Variants in WDR59 observed in about 807,000 individuals in gnomAD.
WDR59 encodes GATOR2 complex protein WDR59.
A neutral mutation model predicts 131.2 loss-of-function variants in WDR59; 100 were observed. The ratio of observed to expected loss-of-function variants is 0.76; its 90% CI spans 0.65 to 0.90. The LOEUF is 0.90. Among genes scored for constraint, WDR59 ranks in the 40% least tolerant of loss-of-function variants. The pLI is 0.00. For missense variants in WDR59, 1,203 were observed against 1,262.2 expected, an observed-to-expected ratio of 0.95 and a Z score of 0.71; for synonymous variants, 601 against 466.2, an observed-to-expected ratio of 1.29 and a Z score of -3.72.
At position 74,985,097 on chromosome 16, in the gene WDR59, A is replaced by C; in HGVS notation, c.-80T>G. ...CCAGTATCCCGGGACCGTGCGCCCC[A>C]CACAGCCAGAGAATCAGCCCCGACA... On this transcript the variant is annotated 5_prime_UTR_variant, in exon 1 of 26. Coordinates refer to ENST00000262144, the MANE Select transcript of WDR59 (RefSeq NM_030581.4). 1 of 1,385,936 alleles carries C rather than the reference A, an allele frequency of 7.2e-7. No homozygotes were observed. The highest frequency in any genetic ancestry group is 1.0e-6 in the Non-Finnish European group (1 of 1,001,542). 85.9% of individuals were successfully genotyped at this position (1,385,936 alleles called of 1,614,324 possible).
At position 74,892,507 on chromosome 16, in the gene WDR59, C is replaced by T. The variant is rs767138414; in HGVS notation, c.2059G>A (p.Val687Ile). The part of the protein sequence containing the change: ...CQKNAASALL[V>I]GRKDLVQVWS... The stretch of plus-strand genomic sequence containing the variant: ...ACCTGGACAAGATCCTTTCTTCCAA[C>T]GAGCAAGGCAGAGGCGGCATTCTTC... Residue 687 changes from valine to isoleucine, a missense_variant, in exon 20 of 26, where the codon GTT becomes ATT. Coordinates refer to ENST00000262144, the MANE Select transcript of WDR59 (RefSeq NM_030581.4). 1.1e-5 allele frequency: 18 copies of T among 1,613,808 alleles called. No individual in the cohort carries two copies. In the South Asian group the frequency reaches 1.2e-4, roughly 11 times the overall value.
chr16:74,984,332 C>G (rs2034541823), intron 1 of WDR59, among the ~76,000 whole-genome samples: 1 of 151,992 alleles, frequency 6.6e-6, no homozygotes, highest in Non-Finnish European at 1.5e-5. Context: ...AATCTTTAAG[C>G]CAATCTTGTA....
chr16:74,969,681 T>C (rs1597811947), intron 1 of WDR59, among the ~76,000 whole-genome samples: 1 of 151,882 alleles, frequency 6.6e-6, no homozygotes, highest in East Asian at 1.9e-4. Flanking sequence ...GTGATTCTCC[T>C]GCCTCAGCCT....
intron 7 of WDR59, among the ~76,000 whole-genome samples, chr16:74,941,160 C>T (rs960249365): frequency 6.6e-6 from 1 of 151,016 alleles, no homozygotes; most frequent in African/African-American, 2.4e-5. Flanking sequence ...GCTTCAGCAA[C>T]CTTGTCTCTA....
At chr16:74,902,880 T>C (rs959025059) in intron 18 of WDR59, among the ~76,000 whole-genome samples, 4 of 151,294 alleles carry the variant, frequency 2.6e-5, no homozygotes, top group Non-Finnish European at 4.4e-5. Flanking sequence ...CAGAATTCCA[T>C]CAGAGATGTG....
At chr16:74,881,439 G>C (rs72796696) in intron 25 of WDR59, among the ~76,000 whole-genome samples, 22,590 of 151,542 alleles carry the variant, frequency 0.15, 1,823 homozygotes, top group Middle Eastern at 0.2. Context: ...CAATCTGTCT[G>C]CTTCAGTCTC....
intron 8 of WDR59, among the ~76,000 whole-genome samples, chr16:74,927,472 C>T (rs73605975): frequency 0.27 from 41,373 of 151,042 alleles, 5,917 homozygotes; most frequent in African/African-American, 0.33. Context: ...CCTGGAGTCC[C>T]AGCTACTTGC....
chr16:74,935,662 T>G (rs924862853), intron 8 of WDR59, among the ~76,000 whole-genome samples: 1 of 152,174 alleles, frequency 6.6e-6, no homozygotes, highest in Non-Finnish European at 1.5e-5. Flanking sequence ...AAAAAAATGG[T>G]TGAATGTTAT....
At chr16:74,979,326 C>T (rs2034307094) in intron 1 of WDR59, among the ~76,000 whole-genome samples, 1 of 151,662 alleles carries the variant, frequency 6.6e-6, no homozygotes, top group East Asian at 2.0e-4. Context: ...ATTAGCCAGG[C>T]ATGGTGGCGG....
intron 1 of WDR59, among the ~76,000 whole-genome samples, chr16:74,970,534 CT>C (rs2033942871): frequency 9.9e-6 from 1 of 100,594 alleles, no homozygotes; most frequent in Non-Finnish European, 2.6e-5. Context: ...AAAAGCAGCT[CT>C]CCCAAGGACC....
rs75017963 is a variant in WDR59, at chr16:74,899,456, C to T, written c.1866+4491G>A. On this transcript the variant is annotated intron_variant, in intron 18 of 25. Transcript: ENST00000262144. ...TTCCAAGAAACCCAGCATTAACTTT[C>T]CTTTGCCAAAAGAGTCCATTCAGGA... Among the ~76,000 whole-genome samples the T allele has an allele frequency of 7.9e-3, 1,202 of 152,312 alleles. 13 individuals carry two copies. Among genetic ancestry groups the T allele is most frequent in the African/African-American group, 0.027 (1,129 of 41,570 alleles).
intron 6 of WDR59, among the ~76,000 whole-genome samples, chr16:74,943,529 T>G (rs560888969): frequency 1.3e-5 from 2 of 152,280 alleles, no homozygotes; most frequent in African/African-American, 4.8e-5. Context: ...AGGCATAATG[T>G]GAGATGCCAG....
At chr16:74,904,424 C>A in intron 17 of WDR59, 1 of 239,120 alleles carries the variant, frequency 4.2e-6, no homozygotes, top group Non-Finnish European at 8.2e-6. Context: ...ATTTTAAAAG[C>A]TCATTTATAG....
At chr16:74,972,998 C>T (rs2034049705) in intron 1 of WDR59, among the ~76,000 whole-genome samples, 1 of 151,650 alleles carries the variant, frequency 6.6e-6, no homozygotes, top group South Asian at 2.1e-4. Context: ...TTTGGGAGGC[C>T]GAGGCGGGCA....
intron 8 of WDR59, among the ~76,000 whole-genome samples, chr16:74,934,265 T>A (rs1189906083): frequency 6.6e-6 from 1 of 152,204 alleles, no homozygotes; most frequent in Non-Finnish European, 1.5e-5. Flanking sequence ...ATATTCACGT[T>A]CATGCATAAA....
chr16:74,905,864 C>G (rs569554353), intron 17 of WDR59, among the ~76,000 whole-genome samples: 61 of 151,920 alleles, frequency 4.0e-4, no homozygotes, highest in Middle Eastern at 3.4e-3. Context: ...AATTTGCAAC[C>G]AAAATAGATA....
intron 18 of WDR59, among the ~76,000 whole-genome samples, chr16:74,895,600 C>T (rs1965261580): frequency 6.6e-6 from 1 of 152,144 alleles, no homozygotes; most frequent in Non-Finnish European, 1.5e-5. Flanking sequence ...GACTATTTAC[C>T]ATTTATCCAT....
intron 18 of WDR59, among the ~76,000 whole-genome samples, chr16:74,902,685 T>C (rs954021743): frequency 6.6e-6 from 1 of 152,174 alleles, no homozygotes; most frequent in Non-Finnish European, 1.5e-5. Context: ...AAACCCCACA[T>C]GTACCCAACC....
intron 3 of WDR59, among the ~76,000 whole-genome samples, chr16:74,952,433 C>T (rs1322483454): frequency 7.3e-6 from 1 of 137,622 alleles, no homozygotes; most frequent in East Asian, 2.0e-4. Flanking sequence ...CACAGCAAGA[C>T]CCCATCTCAA....
Sources: gnomAD v4.1 joint callset for allele counts (sites outside exome capture counted in the v4.1 genomes callset) on GRCh38, gnomAD v4.1.1 for gene constraint, MANE v1.5 for transcripts, NCBI Gene and HGNC (gene_info 2026-07-23, HGNC 2026-07-21) for gene names.